Variants in LPP observed in about 807,000 individuals in gnomAD.
The protein encoded by LPP is LIM domain containing preferred translocation partner in lipoma, also known as lipoma-preferred partner.
Under a neutral mutation model 60.4 loss-of-function variants are expected in LPP, and 38 were observed. That is an observed-to-expected ratio of 0.63 (90% confidence interval 0.49 to 0.83). The LOEUF (loss-of-function observed/expected upper bound fraction) is 0.83. Ranked by LOEUF, LPP falls within the 40% of genes least tolerant of loss-of-function variation. LPP has a pLI of 0.00. For synonymous variants in LPP, 328 were observed against 290.8 expected (o/e 1.13, Z -1.30); for missense variants, 902 against 783.6 (o/e 1.15, Z -1.80).
chr3:188,582,516 G>A (rs1836487894), intron 6 of LPP, among the ~76,000 whole-genome samples: 1 of 151,744 alleles, frequency 6.6e-6, no homozygotes, highest in African/African-American at 2.4e-5. Flanking sequence ...GCTTGGGGAG[G>A]GGTGTCTTTC....
chr3:188,543,850 C>T (rs1432979663), intron 6 of LPP, among the ~76,000 whole-genome samples: 1 of 152,126 alleles, frequency 6.6e-6, no homozygotes, highest in African/African-American at 2.4e-5. Context: ...ATTAAGAATA[C>T]TAGGGGGAAT....
intron 6 of LPP, among the ~76,000 whole-genome samples, chr3:188,567,988 G>A (rs1455648726): frequency 3.3e-5 from 5 of 151,962 alleles, no homozygotes; most frequent in Admixed American, 3.3e-4. Context: ...TTAGGGAGAA[G>A]GCATTCTTTG....
At chr3:188,282,415 G>T (rs1169358356) in intron 2 of LPP, among the ~76,000 whole-genome samples, 1 of 152,174 alleles carries the variant, frequency 6.6e-6, no homozygotes, top group Non-Finnish European at 1.5e-5. Context: ...GTAGTTCCTT[G>T]TCTGGAATGC....
chr3:188,478,383 G>A (rs969278216), intron 4 of LPP, among the ~76,000 whole-genome samples: 2 of 152,076 alleles, frequency 1.3e-5, no homozygotes, highest in African/African-American at 2.4e-5. Context: ...GCATTTCAAT[G>A]TGTGTTTTAT....
intron 2 of LPP, among the ~76,000 whole-genome samples, chr3:188,293,435 A>G (rs1241741604): frequency 6.6e-6 from 1 of 152,240 alleles, no homozygotes; most frequent in African/African-American, 2.4e-5. Flanking sequence ...TACATGTAGA[A>G]TGGCTTAGGT....
rs6795551 is a variant in LPP, at chr3:188,536,657, G to A, written c.429+11870G>A. 2.6e-3 allele frequency among the ~76,000 whole-genome samples: 394 copies of A among 151,840 alleles called. 2 individuals are homozygous for A. The highest frequency in any genetic ancestry group is 6.8e-3 in the Middle Eastern group (2 of 294). ...GATGGTAAACAGTGGATCCATTAAA[G>A]TAGCATATTCTGCTGGTGTAAATAA... On this transcript the variant is annotated intron_variant, in intron 6 of 11. Transcript: ENST00000617246.
intron 1 of LPP, among the ~76,000 whole-genome samples, chr3:188,173,481 G>A (rs1239993424): frequency 2.6e-5 from 4 of 151,310 alleles, no homozygotes; most frequent in Non-Finnish European, 2.9e-5. Flanking sequence ...TCCAGCCTGG[G>A]CAACAGAGTG....
intron 1 of LPP, chr3:188,212,874 CT>C: frequency 6.6e-6 from 1 of 152,268 alleles, no homozygotes; most frequent in Non-Finnish European, 1.5e-5. Flanking sequence ...AGACCTGGGG[CT>C]TACAGCCTGT....
rs374060449 is a variant in LPP, at chr3:188,340,267, A to T, written c.-66-1396A>T. On this transcript the variant is annotated intron_variant, in intron 2 of 11. Coordinates refer to ENST00000617246, the MANE Select transcript of LPP (RefSeq NM_001375462.1). ...AGGTCTCATTGGAGTTATAAAGGGA[A>T]TGGTTTGAGACATAATGGTCATTGT... Among the ~76,000 whole-genome samples the T allele has an allele frequency of 2.6e-4, 40 of 152,274 alleles. 2 individuals carry two copies. Among genetic ancestry groups the T allele is most frequent in the African/African-American group, 9.4e-4 (39 of 41,542 alleles).
intron 6 of LPP, among the ~76,000 whole-genome samples, chr3:188,541,370 G>T (rs1825128935): frequency 1.3e-5 from 2 of 152,144 alleles, no homozygotes; most frequent in Non-Finnish European, 2.9e-5. Flanking sequence ...TCAGTCACAT[G>T]TTTGTAAGCA....
chr3:188,268,017 A>ATTTT (rs5855185), intron 2 of LPP, among the ~76,000 whole-genome samples: 16 of 102,320 alleles, frequency 1.6e-4, no homozygotes, highest in Non-Finnish European at 2.5e-4. Flanking sequence ...ATTTTTAAGG[A>ATTTT]TTTTTTTTTT....
chr3:188,280,534 A>G (rs1468095835), intron 2 of LPP, among the ~76,000 whole-genome samples: 1 of 152,172 alleles, frequency 6.6e-6, no homozygotes, highest in Non-Finnish European at 1.5e-5. Context: ...ACGAGGAAAT[A>G]GGTATTATCA....
At chr3:188,584,545 T>TTGTGTGTGTGTG (rs752997019) in intron 6 of LPP, 43 of 118,868 alleles carry the variant, frequency 3.6e-4, no homozygotes, top group African/African-American at 8.6e-4. Flanking sequence ...TTAATTTTAG[T>TTGTGTGTGTGTG]CGTGTGTGTG....
At chr3:188,838,122 A>G (rs770214061) in intron 9 of LPP, among the ~76,000 whole-genome samples, 1 of 152,224 alleles carries the variant, frequency 6.6e-6, no homozygotes, top group Non-Finnish European at 1.5e-5. Flanking sequence ...TTTGTTTAGC[A>G]CTTCATGGCT....
chr3:188,395,410 T>A (rs78382861), intron 3 of LPP, among the ~76,000 whole-genome samples: 12 of 151,970 alleles, frequency 7.9e-5, no homozygotes, highest in South Asian at 6.2e-4. Flanking sequence ...TATTATTATT[T>A]TTTTTTTCCA....
At chr3:188,291,143 C>A (rs1281640948) in intron 2 of LPP, among the ~76,000 whole-genome samples, 3 of 152,148 alleles carry the variant, frequency 2.0e-5, no homozygotes, top group Non-Finnish European at 2.9e-5. Context: ...CTAAGACGAA[C>A]AATTCTTCAG....
chr3:188,535,787 C>G (rs1054413498), intron 6 of LPP, among the ~76,000 whole-genome samples: 5 of 151,990 alleles, frequency 3.3e-5, no homozygotes, highest in African/African-American at 1.2e-4. Flanking sequence ...GTTGAGATAA[C>G]ATAAGAAAGA....
chr3:188,219,249 T>C (rs968341065), intron 1 of LPP, among the ~76,000 whole-genome samples: 1 of 152,168 alleles, frequency 6.6e-6, no homozygotes, highest in Admixed American at 6.5e-5. Context: ...TGCTCAAAAT[T>C]CCATAGTTAA....
chr3:188,295,006 T>A (rs1363180733), intron 2 of LPP, among the ~76,000 whole-genome samples: 1 of 152,194 alleles, frequency 6.6e-6, no homozygotes, highest in African/African-American at 2.4e-5. Flanking sequence ...GCTTTTCCCA[T>A]CCTCCATCAG....
Sources: gnomAD v4.1 joint callset for allele counts (sites outside exome capture counted in the v4.1 genomes callset) on GRCh38, gnomAD v4.1.1 for gene constraint, MANE v1.5 for transcripts, NCBI Gene and HGNC (gene_info 2026-07-23, HGNC 2026-07-21) for gene names.